MROH2B: variants seen among roughly 807,000 people sequenced by gnomAD.
MROH2B encodes maestro heat-like repeat-containing protein family member 2B.
Under a neutral mutation model 208.6 loss-of-function variants are expected in MROH2B, and 177 were observed. That is an observed-to-expected ratio of 0.85 (90% CI 0.75 to 0.96). The LOEUF (loss-of-function observed/expected upper bound fraction) is 0.96, where lower values mean the gene tolerates loss of function less well. MROH2B is among the 40% of genes least tolerant of loss of function. The probability of loss-of-function intolerance (pLI) is 0.00; values close to 1 mark genes in which losing one functional copy is unlikely to be tolerated. For synonymous variants in MROH2B, 728 were observed against 659.0 expected (o/e 1.10, Z -1.60); for missense variants, 2,002 against 1,878.7 (o/e 1.07, Z -1.21).
chr5:41,030,231 T>C lies in MROH2B; in HGVS notation c.2441+2511A>G, dbSNP rs375017961. Among the ~76,000 whole-genome samples, 42 of 152,104 alleles carry C rather than the reference T, an allele frequency of 2.8e-4. No individual in the cohort carries two copies. The South Asian group carries it at 7.5e-3, about 27-fold the overall frequency. The stretch of plus-strand genomic sequence containing the variant: ...AAATGATGTTTGACATCACTAATCA[T>C]TAGGATAATGCAAATCAAAACCACA... On this transcript the variant is annotated intron_variant, in intron 24 of 41. Transcript: ENST00000399564.
At chr5:41,009,212 C>T (rs1163361177) in intron 32 of MROH2B, 68 bp downstream of exon 32, 7 of 1,579,310 alleles carry the variant, frequency 4.4e-6, no homozygotes, top group East Asian at 2.3e-5. Flanking sequence ...CACCAAGCTC[C>T]AGGTGGGGAT....
Position 41,052,481 on chromosome 5 carries a change from G to A in MROH2B, c.1214C>T (p.Thr405Met), listed in dbSNP as rs373485768. 40 of 1,612,002 alleles carry A rather than the reference G, an allele frequency of 2.5e-5. No individual in the cohort carries two copies. Among genetic ancestry groups the A allele is most frequent in the East Asian group, 4.5e-5 (2 of 44,778 alleles). ...TCTGCATACCAGATTCCTGTTCAAC[G>A]TTGCAAACTGGGAGAAGACATAATC... The part of the protein sequence containing the change: ...LIDYVFSQFA[T>M]LNRNLEKPVK... Residue 405 changes from threonine (T) to methionine (M), a missense_variant, in exon 12 of 42, where the codon ACG (threonine) becomes ATG (methionine). By Grantham distance (81) the Thr-to-Met change is moderately conservative. Coordinates refer to ENST00000399564, the MANE Select transcript of MROH2B (RefSeq NM_173489.5).
At chr5:41,023,752 T>C (rs1198415558) in intron 24 of MROH2B, among the ~76,000 whole-genome samples, 1 of 151,914 alleles carries the variant, frequency 6.6e-6, no homozygotes, top group Non-Finnish European at 1.5e-5. Flanking sequence ...AAAGTTGAAA[T>C]GAAGGAAAAA....
At position 41,056,712 on chromosome 5, in the gene MROH2B, A is replaced by G. The variant is rs369666791; in HGVS notation, c.919+397T>C. On this transcript the variant is annotated intron_variant, in intron 9 of 41. Transcript: ENST00000399564. ...TGGTTAAAGAGGTGTAGACACTAAG[A>G]GATGACCAGGAAGAGAAAAGGGTGA... Among the ~76,000 whole-genome samples, 5 of 151,200 alleles carry G rather than the reference A, an allele frequency of 3.3e-5. No individual in the cohort carries two copies. The South Asian group carries it at 1.1e-3, about 32-fold the overall frequency.
At chr5:41,022,504 G>T (rs1236818111) in intron 24 of MROH2B, among the ~76,000 whole-genome samples, 6 of 152,192 alleles carry the variant, frequency 3.9e-5, no homozygotes, top group Admixed American at 3.9e-4. Flanking sequence ...GCTGGGGGAG[G>T]GGCGCCCGCC....
chr5:41,044,174 T>A (rs1743047088), intron 18 of MROH2B, among the ~76,000 whole-genome samples: 1 of 148,190 alleles, frequency 6.7e-6, no homozygotes, highest in Non-Finnish European at 1.5e-5. Flanking sequence ...CACTTGAACC[T>A]GGGAGGCAGA....
At chr5:41,021,347 A>G (rs1742140515) in intron 24 of MROH2B, among the ~76,000 whole-genome samples, 1 of 152,238 alleles carries the variant, frequency 6.6e-6, no homozygotes, top group Non-Finnish European at 1.5e-5. Context: ...TGTAAAGATG[A>G]CTAGATCTTA....
At chr5:41,047,637 A>T in intron 17 of MROH2B, 84 bp downstream of exon 17, 1 of 1,213,992 alleles carries the variant, frequency 8.2e-7, no homozygotes, top group Non-Finnish European at 1.2e-6. Context: ...ATCCTCAGGA[A>T]TCTAGTTCCT....
intron 11 of MROH2B, 132 bp from the exon 12 acceptor site, chr5:41,052,719 G>T: frequency 1.3e-6 from 1 of 763,734 alleles, no homozygotes; most frequent in Non-Finnish European, 1.8e-6. Context: ...ATTGAATAGT[G>T]TTAATACAGA....
At chr5:41,032,273 G>C (rs1274289089) in intron 24 of MROH2B, among the ~76,000 whole-genome samples, 1 of 152,088 alleles carries the variant, frequency 6.6e-6, no homozygotes, top group East Asian at 1.9e-4. Flanking sequence ...TGATTGGCAT[G>C]AGATGCTATC....
At chr5:41,065,193 C>T in intron 4 of MROH2B, 138 bp downstream of exon 4, 1 of 896,756 alleles carries the variant, frequency 1.1e-6, no homozygotes, top group Non-Finnish European at 1.6e-6. Context: ...TAAACAGCTG[C>T]CCACATCCCT....
At chr5:41,020,661 A>C (rs1742116024) in intron 24 of MROH2B, among the ~76,000 whole-genome samples, 1 of 152,100 alleles carries the variant, frequency 6.6e-6, no homozygotes, top group Non-Finnish European at 1.5e-5. Flanking sequence ...TTTTTGCCCA[A>C]AGGTGTTTAT....
At chr5:41,005,457 A>T in intron 35 of MROH2B, 74 bp downstream of exon 35, 1 of 527,112 alleles carries the variant, frequency 1.9e-6, no homozygotes, top group Non-Finnish European at 3.0e-6. Context: ...TCCAGTGCAC[A>T]CTGGGCTCCA....
intron 29 of MROH2B, 110 bp downstream of exon 29, chr5:41,015,271 C>T: frequency 1.1e-6 from 1 of 882,722 alleles, no homozygotes; most frequent in Admixed American, 2.6e-5. Context: ...GACCACGGGT[C>T]CCTCATTCAG....
At chr5:41,011,020 G>A (rs1488745360) in intron 30 of MROH2B, among the ~76,000 whole-genome samples, 1 of 152,162 alleles carries the variant, frequency 6.6e-6, no homozygotes, top group Non-Finnish European at 1.5e-5. Context: ...TTGGAGTGCA[G>A]AGAGAATGAA....
At chr5:41,001,283 G>A (rs114308543) in intron 37 of MROH2B, among the ~76,000 whole-genome samples, 3,423 of 152,262 alleles carry the variant, frequency 0.022, 56 homozygotes, top group Middle Eastern at 0.041. Context: ...TTTCTAAAGG[G>A]ATTACAGGCA....
rs746883287 is a variant in MROH2B, at chr5:41,061,599, T to A, written c.586A>T (p.Lys196Ter). The A allele has an allele frequency of 1.4e-5, 23 of 1,613,394 alleles. No individual in the cohort carries two copies. The highest frequency in any genetic ancestry group is 1.6e-4 in the Middle Eastern group (1 of 6,084). The change falls in exon 6 of 42, where the codon AAG becomes TAG. Residue 196 changes from lysine (K) to a stop codon, truncating the protein, a stop_gained. Transcript: ENST00000399564. LOFTEE classifies it high-confidence loss of function. The stretch of plus-strand genomic sequence containing the variant: ...ATGGGTGAGGCCAAAGGGGCCCACT[T>A]CTCCATTATATACCAGAACAGCATG... ...IFMLFWYIMEKWAPLASPMQT... is the reference protein window; with the variant it reads ...IFMLFWYIME
In MROH2B at chr5:41,000,792, C is replaced by T. The variant is rs1488251517; in HGVS notation, c.4236G>A (p.Glu1412=). Residue 1412 remains glutamate (E), a synonymous_variant, in exon 38 of 42, where the codon GAG becomes GAA. Coordinates refer to ENST00000399564, the MANE Select transcript of MROH2B (RefSeq NM_173489.5). ...TTCTTCCTGTTAGGGGTGCCAGGTCCTCAAATAAGAAGATGGCAGTCAATC... is the reference window on the plus strand; with the variant it reads ...TTCTTCCTGTTAGGGGTGCCAGGTCTTCAAATAAGAAGATGGCAGTCAATC... ...DVRLTAIFLF[E]DLAPLTGRRW... 6.2e-7 allele frequency: 1 copy of T among 1,611,416 alleles called. No individual in the cohort carries two copies. Among genetic ancestry groups the T allele is most frequent in the East Asian group, 2.2e-5 (1 of 44,824 alleles).
chr5:41,014,056 C>T (rs1741859015), intron 29 of MROH2B, among the ~76,000 whole-genome samples: 1 of 152,176 alleles, frequency 6.6e-6, no homozygotes, highest in Non-Finnish European at 1.5e-5. Context: ...CACTGTTAGC[C>T]TAGAAGAGGC....
Sources: gnomAD v4.1 joint callset for allele counts (sites outside exome capture counted in the v4.1 genomes callset) on GRCh38, gnomAD v4.1.1 for gene constraint, MANE v1.5 for transcripts, NCBI Gene and HGNC (gene_info 2026-07-23, HGNC 2026-07-21) for gene names.